The following ST13 variants were observed in gnomAD, a reference collection of about 807,000 sequenced individuals.
The protein encoded by ST13 is hsc70-interacting protein.
Under a neutral mutation model 56.7 loss-of-function variants are expected in ST13, and 23 were observed. That is an observed-to-expected ratio of 0.41 (90% CI 0.29 to 0.57). ST13 has a LOEUF of 0.57. ST13 is among the 20% of genes least tolerant of loss of function. The pLI is 0.36. For missense variants in ST13, 369 were observed against 459.9 expected, an observed-to-expected ratio of 0.80 and a Z score of 1.81; for synonymous variants, 132 against 142.4, an observed-to-expected ratio of 0.93 and a Z score of 0.52.
chr22:40,838,209 A>G (rs2145739018), intron 5 of ST13, among the ~76,000 whole-genome samples: 1 of 152,352 alleles, frequency 6.6e-6, no homozygotes, highest in South Asian at 2.1e-4. Flanking sequence ...CTCTGGCTCC[A>G]TACTCCAGGT....
chr22:40,835,694 A>G (rs767287443), intron 6 of ST13, 24 bp from the exon 7 acceptor site: 1 of 1,607,428 alleles, frequency 6.2e-7, no homozygotes, highest in South Asian at 1.1e-5. Flanking sequence ...GTGTTATTAA[A>G]AAGTATTCAT....
chr22:40,830,723 T>G (rs188357372), intron 9 of ST13, 117 bp downstream of exon 9: 1 of 545,018 alleles, frequency 1.8e-6, no homozygotes, highest in Admixed American at 3.0e-5. Flanking sequence ...ATATCATTAC[T>G]CTATAGAACT....
At chr22:40,856,006 T>C (rs973201504) in intron 1 of ST13, among the ~76,000 whole-genome samples, 7 of 152,164 alleles carry the variant, frequency 4.6e-5, no homozygotes, top group African/African-American at 1.7e-4. Flanking sequence ...AACTTACTAG[T>C]GTTATATTAT....
At chr22:40,834,714 A>G (rs1189612747) in intron 7 of ST13, among the ~76,000 whole-genome samples, 1 of 152,224 alleles carries the variant, frequency 6.6e-6, no homozygotes, top group African/African-American at 2.4e-5. Flanking sequence ...GCACAAGATG[A>G]GCCAACGCTG....
At chr22:40,827,684 T>C (rs1193790847) in intron 10 of ST13, among the ~76,000 whole-genome samples, 1 of 151,724 alleles carries the variant, frequency 6.6e-6, no homozygotes, top group South Asian at 2.1e-4. Context: ...TATAAATATG[T>C]TTTATATTTT....
rs1188358329 is a variant in ST13, at chr22:40,840,705, TA to T, written c.316-14del. Reference sequence around the variant, plus strand: ...TCTCCTCCGTTATCTAGGAAGAAAATAAAAATCATCTTAGAATTAGTAGAGA... The same window carrying T: ...TCTCCTCCGTTATCTAGGAAGAAAATAAAATCATCTTAGAATTAGTAGAGA... On this transcript the variant is annotated splice_polypyrimidine_tract_variant and intron_variant, in intron 4 of 11. Transcript: ENST00000216218. 1 of 1,603,180 alleles carries T rather than the reference TA, an allele frequency of 6.2e-7. No individual in the cohort carries two copies. Among genetic ancestry groups the T allele is most frequent in the East Asian group, 2.2e-5 (1 of 44,546 alleles).
At chr22:40,831,852 T>C (rs2057755295) in intron 8 of ST13, among the ~76,000 whole-genome samples, 1 of 152,162 alleles carries the variant, frequency 6.6e-6, no homozygotes, top group African/African-American at 2.4e-5. Flanking sequence ...TTTAAAAGAT[T>C]GAAACTTCTT....
chr22:40,836,950 G>A (rs1392825130), intron 5 of ST13, among the ~76,000 whole-genome samples: 2 of 152,046 alleles, frequency 1.3e-5, no homozygotes, highest in Non-Finnish European at 2.9e-5. Flanking sequence ...TGAGTAGCTG[G>A]GAATACAAGC....
At chr22:40,830,055 C>A (rs939842623) in intron 9 of ST13, among the ~76,000 whole-genome samples, 1 of 152,122 alleles carries the variant, frequency 6.6e-6, no homozygotes, top group Non-Finnish European at 1.5e-5. Flanking sequence ...ATTCTCCCTA[C>A]ATAATACAAA....
chr22:40,844,651 C>G (rs2057821825), intron 4 of ST13, among the ~76,000 whole-genome samples, 188 bp downstream of exon 4: 2 of 152,280 alleles, frequency 1.3e-5, no homozygotes, highest in South Asian at 4.1e-4. Flanking sequence ...ACAGATAAAA[C>G]AGAAAGTAAC....
intron 4 of ST13, among the ~76,000 whole-genome samples, chr22:40,844,121 G>A (rs1290528992): frequency 6.6e-6 from 1 of 152,022 alleles, no homozygotes; most frequent in African/African-American, 2.4e-5. Flanking sequence ...GACCTTAGAT[G>A]ATCCACCCAC....
Position 40,850,363 on chromosome 22 carries a change from C to T in ST13, c.168+460G>A, listed in dbSNP as rs1057025180. Among the ~76,000 whole-genome samples the T allele has an allele frequency of 4.6e-5, 7 of 152,332 alleles. 1 individual carries two copies. Among genetic ancestry groups the T allele is most frequent in the East Asian group, 1.9e-4 (1 of 5,194 alleles). Reference sequence around the variant, plus strand: ...CTGGTAACCTTCTCCTAATCTTACACGTCCTTTAAGCAAATATGCTAACCC... The same window carrying T: ...CTGGTAACCTTCTCCTAATCTTACATGTCCTTTAAGCAAATATGCTAACCC... On this transcript the variant is annotated intron_variant, in intron 2 of 11. Transcript: ENST00000216218.
At chr22:40,832,114 A>G (rs2057756618) in intron 8 of ST13, 1 of 457,058 alleles carries the variant, frequency 2.2e-6, no homozygotes. Context: ...TCGGCCTCCC[A>G]AAGTGCTGGG....
In ST13 at chr22:40,827,235, A is replaced by G. The variant is rs374255898; in HGVS notation, c.848-6T>C. The stretch of plus-strand genomic sequence containing the variant: ...CATTCCCCCAGGAAAGCCACCTGTA[A>G]TAAAAAATGAATAGACACTAATCAT... On this transcript the variant is annotated splice_region_variant and splice_polypyrimidine_tract_variant and intron_variant, in intron 10 of 11. Coordinates refer to ENST00000216218, the MANE Select transcript of ST13 (RefSeq NM_003932.5). The G allele has an allele frequency of 1.2e-6, 2 of 1,613,392 alleles. No homozygotes were observed. Among genetic ancestry groups the G allele is most frequent in the Non-Finnish European group, 8.5e-7 (1 of 1,179,786 alleles).
intron 1 of ST13, among the ~76,000 whole-genome samples, chr22:40,853,230 G>A (rs928831953): frequency 6.6e-6 from 1 of 152,052 alleles, no homozygotes; most frequent in African/African-American, 2.4e-5. Context: ...AGACTTTGTA[G>A]GAAGTACACA....
At position 40,844,703 on chromosome 22, in the gene ST13, G is replaced by C; in HGVS notation, c.315+136C>G. 3 of 660,904 alleles carry C rather than the reference G, an allele frequency of 4.5e-6. No homozygotes were observed. In the East Asian group the frequency reaches 8.2e-5, roughly 18 times the overall value. 40.9% of individuals were successfully genotyped at this position (660,904 alleles called of 1,614,324 possible). The stretch of plus-strand genomic sequence containing the variant: ...AGTATTTTAAGTAGTAAAATACAAT[G>C]CTTGCCTAAAACGCCTGAAGTCAGA... On this transcript the variant is annotated intron_variant, in intron 4 of 11. Transcript: ENST00000216218.
At chr22:40,829,993 T>C (rs568198636) in intron 9 of ST13, among the ~76,000 whole-genome samples, 1 of 152,332 alleles carries the variant, frequency 6.6e-6, no homozygotes, top group African/African-American at 2.4e-5. Flanking sequence ...AGGACATGGC[T>C]AGATTACCAA....
intron 5 of ST13, among the ~76,000 whole-genome samples, chr22:40,836,993 T>C (rs190256094): frequency 5.3e-5 from 8 of 152,232 alleles, no homozygotes; most frequent in Non-Finnish European, 1.0e-4. Context: ...TTAAAAAAAA[T>C]TTTTTAGAGA....
At chr22:40,843,536 G>A (rs368923200) in intron 4 of ST13, among the ~76,000 whole-genome samples, 3 of 152,012 alleles carry the variant, frequency 2.0e-5, no homozygotes, top group South Asian at 2.1e-4. Flanking sequence ...TGGTGGGACC[G>A]GTAGATTAAA....
Sources: allele counts gnomAD v4.1 joint callset (sites outside exome capture counted in the v4.1 genomes callset), GRCh38; gene constraint gnomAD v4.1.1; transcripts MANE v1.5; gene names NCBI Gene and HGNC (gene_info 2026-07-23, HGNC 2026-07-21).